Variants in CSMD1 observed in about 807,000 individuals in gnomAD.
The protein encoded by CSMD1 is CUB and Sushi multiple domains 1, also known as CUB and sushi domain-containing protein 1.
A neutral mutation model predicts 417.5 loss-of-function variants in CSMD1; 213 were observed. That is an observed-to-expected ratio of 0.51 (90% CI 0.46 to 0.57). The LOEUF is 0.57. Ranked by LOEUF, CSMD1 falls within the 20% of genes least tolerant of loss-of-function variation. CSMD1 has a pLI of 0.00. For missense variants in CSMD1, 6,923 were observed against 4,529.7 expected (o/e 1.53, Z -15.17); for synonymous variants, 2,862 against 1,736.8 (o/e 1.65, Z -16.11).
chr8:4,753,678 G>C (rs1177378513), intron 1 of CSMD1, among the ~76,000 whole-genome samples: 1 of 152,092 alleles, frequency 6.6e-6, no homozygotes, highest in Non-Finnish European at 1.5e-5. Flanking sequence ...AGGTTCCCTG[G>C]TGTCTCTTCT....
intron 17 of CSMD1, 107 bp downstream of exon 17, chr8:3,396,087 G>A (rs1463633231): frequency 3.3e-6 from 3 of 919,494 alleles, no homozygotes; most frequent in Non-Finnish European, 5.0e-6. Context: ...AGTCAAGCAG[G>A]ATCAGTAAAC....
chr8:4,732,768 C>A (rs569267916), intron 1 of CSMD1, among the ~76,000 whole-genome samples: 2 of 152,252 alleles, frequency 1.3e-5, no homozygotes, highest in South Asian at 4.1e-4. Context: ...CATTTTATAG[C>A]TCTAATTGTG....
intron 5 of CSMD1, among the ~76,000 whole-genome samples, chr8:3,806,764 A>C (rs1053190839): frequency 6.6e-6 from 1 of 152,228 alleles, no homozygotes; most frequent in Non-Finnish European, 1.5e-5. Context: ...CAAGTAATGC[A>C]AAATGTTAGT....
At chr8:4,904,941 T>G (rs574239802) in intron 1 of CSMD1, among the ~76,000 whole-genome samples, 1 of 152,150 alleles carries the variant, frequency 6.6e-6, no homozygotes, top group Admixed American at 6.6e-5. Flanking sequence ...AGGGCCTCTT[T>G]GGGACAAGGG....
At chr8:4,839,979 TA>T (rs1800741269) in intron 1 of CSMD1, among the ~76,000 whole-genome samples, 1 of 152,240 alleles carries the variant, frequency 6.6e-6, no homozygotes, top group Admixed American at 6.5e-5. Flanking sequence ...AAGTGTAAAA[TA>T]GGAATGTGGA....
intron 4 of CSMD1, among the ~76,000 whole-genome samples, chr8:4,005,194 T>G (rs1479621295): frequency 6.6e-6 from 1 of 152,146 alleles, no homozygotes; most frequent in Admixed American, 6.5e-5. Flanking sequence ...CAGTGCATAC[T>G]GCACAGGTGG....
chr8:4,943,116 G>C lies in CSMD1; in HGVS notation c.85+51216C>G, dbSNP rs79743239. Among the ~76,000 whole-genome samples the C allele has an allele frequency of 9.4e-3, 1,428 of 152,284 alleles. 23 individuals carry two copies. The highest frequency in any genetic ancestry group is 0.029 in the African/African-American group (1,214 of 41,548). The stretch of plus-strand genomic sequence containing the variant: ...GACTCCATAGATTTTACAATTTGAA[G>C]GAATTAGTGGAGGATTAATTTCACT... On this transcript the variant is annotated intron_variant, in intron 1 of 69. Transcript: ENST00000635120.
rs1212927987 is a variant in CSMD1, at chr8:3,190,107, G to C, written c.5203C>G (p.Arg1735Gly). The change falls in exon 34 of 70, where the codon CGT becomes GGT. Residue 1735 changes from arginine (R) to glycine (G), a missense_variant. Transcript: ENST00000635120. The stretch of plus-strand genomic sequence containing the variant: ...GAGCTGCATTGGGTGTCACTGGTAC[G>C]AGGAACAGCTAGAAGCAAAGTACAG... ...GFHFVYQAVP[R>G]TSDTQCSSVP... 3.8e-6 allele frequency: 6 copies of C among 1,586,098 alleles called. No homozygotes were observed. The African/African-American group carries it at 4.0e-5, about 11-fold the overall frequency.
At chr8:3,144,638 C>G (rs965927739) in intron 40 of CSMD1, among the ~76,000 whole-genome samples, 5 of 151,974 alleles carry the variant, frequency 3.3e-5, no homozygotes, top group African/African-American at 1.2e-4. Context: ...TTTAAATTTA[C>G]AACATTTCTG....
chr8:3,656,108 C>A (rs1038099839), intron 7 of CSMD1, among the ~76,000 whole-genome samples: 2 of 152,136 alleles, frequency 1.3e-5, no homozygotes, highest in Non-Finnish European at 2.9e-5. Flanking sequence ...ACCAGAAGAT[C>A]ATGGGGTGCG....
chr8:3,170,782 A>G (rs984549141), intron 37 of CSMD1, among the ~76,000 whole-genome samples: 11 of 152,246 alleles, frequency 7.2e-5, no homozygotes, highest in African/African-American at 2.4e-4. Context: ...AAAATGGACT[A>G]TTGAAAACAA....
At chr8:3,685,633 A>C (rs771338000) in intron 7 of CSMD1, among the ~76,000 whole-genome samples, 10 of 152,134 alleles carry the variant, frequency 6.6e-5, no homozygotes, top group Non-Finnish European at 1.2e-4. Context: ...CATTTCTTTG[A>C]GACTGTTTTT....
At chr8:4,653,699 A>C (rs556830080) in intron 1 of CSMD1, among the ~76,000 whole-genome samples, 1 of 152,230 alleles carries the variant, frequency 6.6e-6, no homozygotes, top group Non-Finnish European at 1.5e-5. Context: ...AATAAGCATA[A>C]CACAAATGGC....
intron 5 of CSMD1, among the ~76,000 whole-genome samples, chr8:3,875,877 A>C (rs142665368): frequency 8.5e-4 from 129 of 152,292 alleles, no homozygotes; most frequent in African/African-American, 3.0e-3. Context: ...TGTGTTCCAA[A>C]CTTGGTAGGA....
At chr8:4,699,077 T>C (rs1194356703) in intron 1 of CSMD1, among the ~76,000 whole-genome samples, 4 of 152,198 alleles carry the variant, frequency 2.6e-5, no homozygotes, top group African/African-American at 7.2e-5. Flanking sequence ...TTGACGTAGA[T>C]GTCCTGCTAG....
intron 3 of CSMD1, among the ~76,000 whole-genome samples, chr8:4,148,357 G>A (rs138523546): frequency 6.3e-5 from 8 of 126,422 alleles, no homozygotes; most frequent in East Asian, 2.7e-4. Flanking sequence ...ATCACACACC[G>A]GTGCCTGTTG....
At chr8:3,801,057 G>A (rs1379211493) in intron 5 of CSMD1, among the ~76,000 whole-genome samples, 1 of 151,514 alleles carries the variant, frequency 6.6e-6, no homozygotes, top group East Asian at 1.9e-4. Flanking sequence ...CGTGGTTGAG[G>A]CCATGCTTCC....
chr8:4,088,114 C>T (rs771585640), intron 3 of CSMD1, among the ~76,000 whole-genome samples: 2 of 152,194 alleles, frequency 1.3e-5, no homozygotes, highest in Non-Finnish European at 2.9e-5. Context: ...GGAAGGATAG[C>T]TGCAGTGGGG....
At chr8:3,722,172 G>T (rs887040959) in intron 6 of CSMD1, among the ~76,000 whole-genome samples, 2 of 152,126 alleles carry the variant, frequency 1.3e-5, no homozygotes, top group Non-Finnish European at 2.9e-5. Flanking sequence ...AGCTGGGCAT[G>T]GTGGCTGGCA....
Sources: allele counts gnomAD v4.1 joint callset (sites outside exome capture counted in the v4.1 genomes callset), GRCh38; gene constraint gnomAD v4.1.1; transcripts MANE v1.5; gene names NCBI Gene and HGNC (gene_info 2026-07-23, HGNC 2026-07-21).